SLC15A2: variants seen among roughly 807,000 people sequenced by gnomAD.
SLC15A2 encodes the protein kidney H(+)/peptide cotransporter.
A neutral mutation model predicts 95.5 loss-of-function variants in SLC15A2; 77 were observed. The ratio of observed to expected loss-of-function variants is 0.81; its 90% CI spans 0.67 to 0.97. The LOEUF is 0.97. Among genes scored for constraint, SLC15A2 ranks in the 50% least tolerant of loss-of-function variants. The pLI is 0.00. For missense variants in SLC15A2, 893 were observed against 874.4 expected (o/e 1.02, Z -0.27); for synonymous variants, 306 against 306.9 (o/e 1.00, Z 0.03).
chr3:121,929,511 T>A (rs760586730), intron 17 of SLC15A2, among the ~76,000 whole-genome samples, 163 bp downstream of exon 17: 21 of 152,194 alleles, frequency 1.4e-4, no homozygotes, highest in Non-Finnish European at 3.1e-4. Context: ...GAGAGGCAGA[T>A]AGGCTTCTTT....
chr3:121,919,925 C>G (rs1474562751), intron 7 of SLC15A2, among the ~76,000 whole-genome samples: 2 of 152,152 alleles, frequency 1.3e-5, no homozygotes, highest in Admixed American at 6.5e-5. Flanking sequence ...GGAATATCAC[C>G]TTCACCTACC....
chr3:121,913,513 A>T (rs1213479404), intron 5 of SLC15A2, among the ~76,000 whole-genome samples: 1 of 152,218 alleles, frequency 6.6e-6, no homozygotes, highest in East Asian at 1.9e-4. Context: ...AAACAATTGG[A>T]AGTAGTAAGT....
Position 121,930,844 on chromosome 3 carries a change from G to A in SLC15A2, c.1558G>A (p.Val520Ile), listed in dbSNP as rs1255141127. 6.2e-7 allele frequency: 1 copy of A among 1,602,982 alleles called. No individual in the cohort carries two copies. Among genetic ancestry groups the A allele is most frequent in the East Asian group, 2.2e-5 (1 of 44,812 alleles). The change falls in exon 18 of 22, where the codon GTT becomes ATT. Residue 520 changes from valine to isoleucine, a missense_variant. Transcript: ENST00000489711. ...TTNGMTTVRF[V>I]NTLHKDVNIS... ...AAATAATATCTCTACCCTCAGGTTT[G>A]TTAACACTTTGCATAAAGATGTCAA...
rs1177799502 is a variant in SLC15A2 at position 121,924,353 on chromosome 3, G to GT, written c.1011dup (p.Val338CysfsTer23). Reference sequence around the variant, plus strand: ...ATTAATTTGTTAAAATGTTTCAGGGGTTTTTTGTGCTTCAGCCGGACCAGA... The same window carrying GT: ...ATTAATTTGTTAAAATGTTTCAGGGGTTTTTTTGTGCTTCAGCCGGACCAGA... On this transcript the variant is annotated frameshift_variant, in exon 12 of 22. Transcript: ENST00000489711. LOFTEE classifies it high-confidence loss of function. 1.2e-6 allele frequency: 2 copies of GT among 1,612,854 alleles called. No homozygotes were observed. The highest frequency in any genetic ancestry group is 2.2e-5 in the East Asian group (1 of 44,858).
chr3:121,928,548 C>A lies in SLC15A2; in HGVS notation c.1334C>A (p.Ser445Tyr). The A allele has an allele frequency of 6.2e-7, 1 of 1,613,886 alleles. No individual in the cohort carries two copies. The highest frequency in any genetic ancestry group is 8.5e-7 in the Non-Finnish European group (1 of 1,179,844). The stretch of plus-strand genomic sequence containing the variant: ...TCTCTGTTGATAGAGTCCATCAAAT[C>A]CTTTCAGGTGAGGTGTGTACCTGAA... ...NNSLLIESIK[S>Y]FQKTPHYSKL... is the part of the protein sequence containing the mutation. The change falls in exon 15 of 22, where the codon TCC becomes TAC. Residue 445 changes from serine (S) to tyrosine (Y), a missense_variant. Coordinates refer to ENST00000489711, the MANE Select transcript of SLC15A2 (RefSeq NM_021082.4).
intron 3 of SLC15A2, among the ~76,000 whole-genome samples, chr3:121,903,932 A>C (rs907677032): frequency 6.6e-6 from 1 of 152,174 alleles, no homozygotes; most frequent in Non-Finnish European, 1.5e-5. Context: ...TCTATAAATT[A>C]CCTTGGGCAG....
intron 11 of SLC15A2, 66 bp from the exon 12 acceptor site, chr3:121,924,285 T>A: frequency 1.4e-6 from 2 of 1,382,946 alleles, no homozygotes; most frequent in Non-Finnish European, 2.0e-6. Context: ...AAATTATTGA[T>A]CTAGGCCAAC....
rs181030229 is a variant in SLC15A2, at chr3:121,932,653, A to T, written c.1761+918A>T. Among the ~76,000 whole-genome samples the T allele has an allele frequency of 5.3e-5, 8 of 152,126 alleles. No individual in the cohort carries two copies. The East Asian group carries it at 5.9e-4, about 11-fold the overall frequency. ...TATTAAAGACTAAAAGATAGTGAAT[A>T]AAAAAAAGAGAGAACATTTCTAGAG... On this transcript the variant is annotated intron_variant, in intron 19 of 21. Transcript: ENST00000489711.
At chr3:121,928,312 T>C (rs1710162065) in intron 14 of SLC15A2, 109 bp from the exon 15 acceptor site, 1 of 1,324,926 alleles carries the variant, frequency 7.5e-7, no homozygotes. Context: ...GAGAAAACTA[T>C]GTCTACTTGG....
At chr3:121,901,513 G>A (rs1306498575) in intron 3 of SLC15A2, among the ~76,000 whole-genome samples, 1 of 152,114 alleles carries the variant, frequency 6.6e-6, no homozygotes, top group Non-Finnish European at 1.5e-5. Context: ...AAGAAAACTT[G>A]GGGGTGATTT....
intron 3 of SLC15A2, among the ~76,000 whole-genome samples, chr3:121,906,859 G>T (rs1207671411): frequency 1.3e-5 from 2 of 152,156 alleles, no homozygotes; most frequent in Non-Finnish European, 2.9e-5. Flanking sequence ...TTCTCGAGGA[G>T]TATCTTTGTG....
At position 121,941,794 on chromosome 3, in the gene SLC15A2, C is replaced by G. The variant is rs1385920508; in HGVS notation, c.*787C>G. 2.0e-5 allele frequency: 3 copies of G among 152,194 alleles called. No individual in the cohort carries two copies. The highest frequency in any genetic ancestry group is 7.2e-5 in the African/African-American group (3 of 41,444). The allele number at this position is 152,194 out of a possible 1,614,324, so 9.4% of individuals were successfully genotyped here. A position where few individuals can be genotyped will look rare whatever the true frequency, so the allele number is the denominator to read the frequency against. ...TCATTCTTTTACAGAGTACATTCTT[C>G]TTAGCCTCTATGGCGCTGGTCTATG... On this transcript the variant is annotated 3_prime_UTR_variant, in exon 22 of 22. Coordinates refer to ENST00000489711, the MANE Select transcript of SLC15A2 (RefSeq NM_021082.4).
Position 121,940,852 on chromosome 3 carries a change from T to C in SLC15A2, c.2035T>C (p.Ser679Pro). The C allele has an allele frequency of 6.2e-7, 1 of 1,612,500 alleles. No homozygotes were observed. Among genetic ancestry groups the C allele is most frequent in the Non-Finnish European group, 8.5e-7 (1 of 1,179,634 alleles). The change falls in exon 22 of 22, where the codon TCC (serine) becomes CCC (proline). Residue 679 changes from serine (S) to proline (P), a missense_variant. Ser to Pro is a moderately conservative substitution (Grantham distance 74). Coordinates refer to ENST00000489711, the MANE Select transcript of SLC15A2 (RefSeq NM_021082.4). ...GCAGTGGGCCGAATTCATTTTGTTT[T>C]CCTGCCTCCTGCTGGTGATCTGCCT... ...LVQWAEFILF[S>P]CLLLVICLIF...
rs1156556838 is a variant in SLC15A2 at position 121,925,777 on chromosome 3, T to C, written c.1124+744T>C. On this transcript the variant is annotated intron_variant, in intron 13 of 21. Transcript: ENST00000489711. ...ATATATATATATATATATATATATA[T>C]ATATAAAATACAACTACTACACAGG... is the stretch of plus-strand genomic sequence containing the variant. Among the ~76,000 whole-genome samples the C allele has an allele frequency of 6.8e-4, 24 of 35,268 alleles. 1 individual carries two copies. Among genetic ancestry groups the C allele is most frequent in the African/African-American group, 2.9e-3 (24 of 8,272 alleles). 23.1% of individuals were successfully genotyped at this position (35,268 alleles called of 152,430 possible).
intron 3 of SLC15A2, 108 bp from the exon 4 acceptor site, chr3:121,911,466 C>A: frequency 2.9e-6 from 2 of 694,366 alleles, no homozygotes; most frequent in South Asian, 1.8e-5. Flanking sequence ...CCTCCCTCCT[C>A]CTCCTCCTCC....
intron 18 of SLC15A2, among the ~76,000 whole-genome samples, chr3:121,931,364 C>T (rs913870522): frequency 2.0e-5 from 3 of 152,220 alleles, no homozygotes; most frequent in African/African-American, 7.2e-5. Flanking sequence ...GGAAAATTCA[C>T]ATGGTACTTA....
In SLC15A2 at chr3:121,897,483, C is replaced by T; in HGVS notation, c.289C>T (p.Pro97Ser). 1.2e-6 allele frequency: 2 copies of T among 1,614,060 alleles called. No individual in the cohort carries two copies. The highest frequency in any genetic ancestry group is 8.5e-7 in the Non-Finnish European group (1 of 1,180,000). The stretch of plus-strand genomic sequence containing the variant: ...CTTCAGCAGCCTCTGTTATTTTACT[C>T]CCATCCTGGGAGCAGCCATTGCTGA... Reference protein sequence around the residue: ...HAFSSLCYFTPILGAAIADSW... With the variant: ...HAFSSLCYFTSILGAAIADSW... Residue 97 changes from proline to serine, a missense_variant, in exon 3 of 22, where the codon CCC (proline) becomes TCC (serine). Transcript: ENST00000489711.
rs573191669 is a variant in SLC15A2, at chr3:121,907,698, A to G, written c.336-3876A>G. 2.0e-5 allele frequency among the ~76,000 whole-genome samples: 3 copies of G among 152,364 alleles called. No homozygotes were observed. The South Asian group carries it at 6.2e-4, about 32-fold the overall frequency. Reference sequence around the variant, plus strand: ...TCACCAGTGGAGGCTGCAGAACAGCAAATATTGCAGAACAGCAAATATTGC... The same window carrying G: ...TCACCAGTGGAGGCTGCAGAACAGCGAATATTGCAGAACAGCAAATATTGC... On this transcript the variant is annotated intron_variant, in intron 3 of 21. Transcript: ENST00000489711.
chr3:121,939,297 A>G, intron 19 of SLC15A2, 52 bp from the exon 20 acceptor site: 1 of 1,360,814 alleles, frequency 7.3e-7, no homozygotes, highest in Non-Finnish European at 9.7e-7. Flanking sequence ...GTAGTTAGAA[A>G]TATTTACTTG....
Sources: gnomAD v4.1 joint callset for allele counts (sites outside exome capture counted in the v4.1 genomes callset) on GRCh38, gnomAD v4.1.1 for gene constraint, MANE v1.5 for transcripts, NCBI Gene and HGNC (gene_info 2026-07-23, HGNC 2026-07-21) for gene names.